The following TLR8 variants were observed in gnomAD, a reference collection of about 807,000 sequenced individuals.
TLR8 encodes the protein toll-like receptor 8.
Under a neutral mutation model 18.5 loss-of-function variants are expected in TLR8, and 5 were observed. The observed-to-expected ratio is 0.27, with a 90% CI of 0.14 to 0.57. The LOEUF is 0.57. TLR8 is among the 20% of genes least tolerant of loss of function. The pLI, the probability that TLR8 is intolerant of heterozygous loss-of-function variation, is 0.92. For synonymous variants in TLR8, 299 were observed against 300.1 expected, an observed-to-expected ratio of 1.00 and a Z score of 0.04; for missense variants, 543 against 769.8, an observed-to-expected ratio of 0.71 and a Z score of 3.49.
intron 1 of TLR8, chrX:12,910,277 G>C (rs1298750647): frequency 9.1e-7 from 1 of 1,103,832 alleles, no homozygotes; most frequent in Non-Finnish European, 1.2e-6. Context: ...ATTCAACTGA[G>C]GAGATTAATT....
chrX:12,917,153 G>T (rs900219819), intron 1 of TLR8, among the ~76,000 whole-genome samples: 1 of 112,098 alleles, frequency 8.9e-6, no homozygotes, highest in Non-Finnish European at 1.9e-5. Flanking sequence ...AGTAATACCC[G>T]GGACAAAATT....
At chrX:12,918,957 T>C in intron 1 of TLR8, 87 bp from the exon 2 acceptor site, 1 of 982,282 alleles carries the variant, frequency 1.0e-6, no homozygotes, top group Non-Finnish European at 1.4e-6. Flanking sequence ...TTCATACAAG[T>C]ATGGGGCAGC....
Position 12,920,646 on chromosome X carries a change from G to A in TLR8, c.1606G>A (p.Asp536Asn). 5.0e-6 allele frequency: 6 copies of A among 1,210,580 alleles called. No homozygotes were observed. The highest frequency in any genetic ancestry group is 6.7e-6 in the Non-Finnish European group (6 of 894,550). Reference protein sequence around the residue: ...FSAIPHVKYLDLTNNRLDFDN... With the variant: ...FSAIPHVKYLNLTNNRLDFDN... ...AGCCATTCCTCATGTCAAATATTTG[G>A]ATTTGACAAACAATAGACTAGACTT... is the stretch of plus-strand genomic sequence containing the variant. The change falls in exon 2 of 2, where the codon GAT (aspartate) becomes AAT (asparagine). Residue 536 changes from aspartate to asparagine, a missense_variant. Physicochemically the swap from Asp to Asn is conservative, Grantham distance 23. Coordinates refer to ENST00000218032, the MANE Select transcript of TLR8 (RefSeq NM_138636.5).
Position 12,920,989 on chromosome X carries a change from G to C in TLR8, c.1949G>C (p.Arg650Thr). 8.3e-7 allele frequency: 1 copy of C among 1,210,922 alleles called. No homozygotes were observed. Among genetic ancestry groups the C allele is most frequent in the Non-Finnish European group, 1.1e-6 (1 of 894,826 alleles). ...ACACGTCTGGATTTATCCCTTAATA[G>C]GCTGAAGCACATCCCAAATGAAGCA... ...NLTRLDLSLN[R>T]LKHIPNEAFL... The change falls in exon 2 of 2, where the codon AGG becomes ACG. Residue 650 changes from arginine (R) to threonine (T), a missense_variant. Coordinates refer to ENST00000218032, the MANE Select transcript of TLR8 (RefSeq NM_138636.5).
intron 1 of TLR8, among the ~76,000 whole-genome samples, chrX:12,907,316 C>T (rs1039134999): frequency 8.9e-6 from 1 of 112,506 alleles, no homozygotes; most frequent in Admixed American, 9.4e-5. Flanking sequence ...TATTATTTTA[C>T]ACTGTCAAGA....
rs1475623493 is a variant in TLR8 at position 12,920,651 on chromosome X, G to C, written c.1611G>C (p.Leu537Phe). 1.7e-6 allele frequency: 2 copies of C among 1,210,197 alleles called. No homozygotes were observed. Among genetic ancestry groups the C allele is most frequent in the South Asian group, 3.5e-5 (2 of 56,761 alleles). ...TTCCTCATGTCAAATATTTGGATTT[G>C]ACAAACAATAGACTAGACTTTGATA... is the stretch of plus-strand genomic sequence containing the variant. The part of the protein sequence containing the change: ...SAIPHVKYLD[L>F]TNNRLDFDNA... The change falls in exon 2 of 2, where the codon TTG becomes TTC. Residue 537 changes from leucine (L) to phenylalanine (F), a missense_variant. Physicochemically the swap from Leu to Phe is conservative, Grantham distance 22 (BLOSUM62 0). Coordinates refer to ENST00000218032, the MANE Select transcript of TLR8 (RefSeq NM_138636.5).
intron 1 of TLR8, 95 bp from the exon 2 acceptor site, chrX:12,918,949 C>G: frequency 1.1e-6 from 1 of 949,765 alleles, no homozygotes; most frequent in Non-Finnish European, 1.4e-6. Context: ...CATCAAAATT[C>G]ATACAAGTAT....
chrX:12,907,084 T>C (rs1024953993), intron 1 of TLR8, among the ~76,000 whole-genome samples: 4 of 112,415 alleles, frequency 3.6e-5, no homozygotes, highest in Non-Finnish European at 7.5e-5. Context: ...GAGGGAAATA[T>C]TCTTCCTTTG....
At chrX:12,917,363 G>A (rs913943916) in intron 1 of TLR8, among the ~76,000 whole-genome samples, 2 of 112,297 alleles carry the variant, frequency 1.8e-5, no homozygotes, top group African/African-American at 6.5e-5. Flanking sequence ...TGTTACAAAT[G>A]GGCAATAATG....
rs188476979 is a variant in TLR8 at position 12,918,777 on chromosome X, T to G, written c.4-267T>G. Among the ~76,000 whole-genome samples, 363 of 111,599 alleles carry G rather than the reference T, an allele frequency of 3.3e-3. 2 individuals are homozygous for G. The highest frequency in any genetic ancestry group is 0.011 in the African/African-American group (343 of 30,700). ...CTCAAACTCCTGGGCTCAAACCATC[T>G]TTCCACCTCGGCCTCCCAAAATGTT... On this transcript the variant is annotated intron_variant, in intron 1 of 1. Coordinates refer to ENST00000218032, the MANE Select transcript of TLR8 (RefSeq NM_138636.5).
At chrX:12,914,484 C>A (rs1413054025) in intron 1 of TLR8, among the ~76,000 whole-genome samples, 1 of 111,002 alleles carries the variant, frequency 9.0e-6, no homozygotes, top group East Asian at 2.8e-4. Flanking sequence ...ACAAACTCAA[C>A]TCAAAAGCAA....
intron 1 of TLR8, among the ~76,000 whole-genome samples, chrX:12,917,039 T>C (rs1430246385): frequency 8.9e-6 from 1 of 111,747 alleles, no homozygotes; most frequent in East Asian, 2.8e-4. Context: ...CTTTTCCTTC[T>C]GCCGATAACC....
intron 1 of TLR8, among the ~76,000 whole-genome samples, chrX:12,907,967 T>C (rs73449605): frequency 0.022 from 2,504 of 112,354 alleles, 69 homozygotes; most frequent in African/African-American, 0.077. Flanking sequence ...ATGACACATA[T>C]GGGATTGCAG....
At position 12,919,953 on chromosome X, in the gene TLR8, G is replaced by A; in HGVS notation, c.913G>A (p.Ala305Thr). 8.3e-7 allele frequency: 1 copy of A among 1,211,294 alleles called. No homozygotes were observed. Among genetic ancestry groups the A allele is most frequent in the South Asian group, 1.8e-5 (1 of 56,969 alleles). The part of the protein sequence containing the change: ...SSTSLRKINA[A>T]WFKNMPHLKV... ...CACTTCCCTCAGGAAGATTAATGCT[G>A]CCTGGTTTAAAAATATGCCTCATCT... Residue 305 changes from alanine to threonine, a missense_variant, in exon 2 of 2, where the codon GCC becomes ACC. Physicochemically the swap from Ala to Thr is moderately conservative, Grantham distance 58. Transcript: ENST00000218032.
chrX:12,911,820 G>A (rs2043022796), intron 1 of TLR8, among the ~76,000 whole-genome samples: 1 of 112,804 alleles, frequency 8.9e-6, no homozygotes, highest in Non-Finnish European at 1.9e-5. Flanking sequence ...CATCAAGGGT[G>A]GACTTCTCTT....
At chrX:12,911,833 G>A (rs184017094) in intron 1 of TLR8, among the ~76,000 whole-genome samples, 4 of 112,545 alleles carry the variant, frequency 3.6e-5, no homozygotes, top group African/African-American at 6.5e-5. Flanking sequence ...CTTCTCTTTC[G>A]GCACAGAAGG....
intron 1 of TLR8, among the ~76,000 whole-genome samples, chrX:12,909,259 C>T (rs185718869): frequency 2.4e-4 from 27 of 112,373 alleles, no homozygotes; most frequent in African/African-American, 8.4e-4. Flanking sequence ...CAGCCCAAGA[C>T]AAATTCATAA....
intron 1 of TLR8, among the ~76,000 whole-genome samples, chrX:12,917,564 G>A (rs2043063843): frequency 8.9e-6 from 1 of 112,375 alleles, no homozygotes; most frequent in African/African-American, 3.2e-5. Context: ...TCTGTGTTCA[G>A]TGAAAGAAGA....
At position 12,911,281 on chromosome X, in the gene TLR8, C is replaced by T. The variant is rs1232762207; in HGVS notation, c.3+4572C>T. Reference sequence around the variant, plus strand: ...TATATCCTCTCACAGTTCTGGAAACCACAAGTCAGAAACCAATGTGTTGTT... The same window carrying T: ...TATATCCTCTCACAGTTCTGGAAACTACAAGTCAGAAACCAATGTGTTGTT... On this transcript the variant is annotated intron_variant, in intron 1 of 1. Transcript: ENST00000218032. Among the ~76,000 whole-genome samples, 3 of 111,997 alleles carry T rather than the reference C, an allele frequency of 2.7e-5. No individual in the cohort carries two copies. In the Admixed American group the frequency reaches 2.8e-4, roughly 11 times the overall value.
Sources: gnomAD v4.1 joint callset for allele counts (sites outside exome capture counted in the v4.1 genomes callset) on GRCh38, gnomAD v4.1.1 for gene constraint, MANE v1.5 for transcripts, NCBI Gene and HGNC (gene_info 2026-07-23, HGNC 2026-07-21) for gene names.